POU6F2: variants seen among roughly 807,000 people sequenced by gnomAD.
The protein encoded by POU6F2 is POU class 6 homeobox 2, also known as POU domain, class 6, transcription factor 2.
POU6F2 carries 31 observed loss-of-function variants against 71.3 expected under a neutral mutation model. The observed-to-expected ratio is 0.43, with a 90% CI of 0.33 to 0.59. POU6F2 has a LOEUF of 0.59. POU6F2 is among the 20% of genes least tolerant of loss of function. The pLI is 0.04. For missense variants in POU6F2, 783 were observed against 856.8 expected (o/e 0.91, Z 1.07); for synonymous variants, 347 against 355.7 (o/e 0.98, Z 0.27).
intron 1 of POU6F2, among the ~76,000 whole-genome samples, chr7:39,013,866 A>G (rs1789399359): frequency 1.3e-5 from 2 of 152,196 alleles, no homozygotes; most frequent in East Asian, 3.8e-4. Flanking sequence ...GGTGTGCTGT[A>G]GAAACACTAT....
At chr7:39,186,254 C>T (rs1409861769) in intron 2 of POU6F2, among the ~76,000 whole-genome samples, 1 of 152,152 alleles carries the variant, frequency 6.6e-6, no homozygotes, top group African/African-American at 2.4e-5. Flanking sequence ...AATCCCCAAG[C>T]ATAGCTCTCC....
chr7:39,403,914 C>T (rs1338998530), intron 5 of POU6F2, among the ~76,000 whole-genome samples: 1 of 152,256 alleles, frequency 6.6e-6, no homozygotes, highest in East Asian at 1.9e-4. Flanking sequence ...GTGCACACCA[C>T]ACTCCGTGAC....
chr7:39,022,899 G>A (rs909074570), intron 1 of POU6F2, among the ~76,000 whole-genome samples: 5 of 151,998 alleles, frequency 3.3e-5, no homozygotes, highest in Admixed American at 6.6e-5. Flanking sequence ...GTAGGTATAC[G>A]TCTGACATTA....
At chr7:39,141,878 G>C (rs1792511252) in intron 2 of POU6F2, among the ~76,000 whole-genome samples, 1 of 152,098 alleles carries the variant, frequency 6.6e-6, no homozygotes, top group African/African-American at 2.4e-5. Flanking sequence ...ACGAGGTCAG[G>C]AGATCAAGAC....
At chr7:39,194,780 A>G (rs1415056466) in intron 2 of POU6F2, among the ~76,000 whole-genome samples, 1 of 152,182 alleles carries the variant, frequency 6.6e-6, no homozygotes, top group Non-Finnish European at 1.5e-5. Context: ...TGTAACACTC[A>G]CCGCGAAGGT....
intron 4 of POU6F2, among the ~76,000 whole-genome samples, chr7:39,288,784 G>A (rs536262281): frequency 4.6e-5 from 7 of 152,216 alleles, no homozygotes; most frequent in East Asian, 1.9e-4. Flanking sequence ...GTTGGCCACC[G>A]AAACTGATAG....
chr7:39,432,093 G>A (rs1788114500), intron 6 of POU6F2, among the ~76,000 whole-genome samples: 1 of 152,182 alleles, frequency 6.6e-6, no homozygotes, highest in Admixed American at 6.5e-5. Flanking sequence ...CTAACAATAT[G>A]GTCTCTATGT....
chr7:39,243,721 T>C (rs981040244), intron 4 of POU6F2, among the ~76,000 whole-genome samples: 1 of 151,780 alleles, frequency 6.6e-6, no homozygotes, highest in Non-Finnish European at 1.5e-5. Flanking sequence ...TTTAGAGGTT[T>C]TATATTGTAA....
intron 6 of POU6F2, among the ~76,000 whole-genome samples, chr7:39,418,959 A>ATATGTG (rs1207549225): frequency 0.25 from 33,813 of 133,916 alleles, 4,587 homozygotes; most frequent in East Asian, 0.48. Flanking sequence ...ATATATGTAT[A>ATATGTG]TATATGTGTA....
chr7:39,000,543 A>T (rs964623669), intron 1 of POU6F2, among the ~76,000 whole-genome samples: 1 of 122,514 alleles, frequency 8.2e-6, no homozygotes, highest in African/African-American at 2.7e-5. Context: ...ACACACACAC[A>T]CACACACACA....
intron 2 of POU6F2, among the ~76,000 whole-genome samples, chr7:39,195,427 C>T (rs1183784353): frequency 6.6e-6 from 1 of 152,190 alleles, no homozygotes; most frequent in Non-Finnish European, 1.5e-5. Context: ...GATTAGTACC[C>T]TCCTTGCTGC....
intron 1 of POU6F2, among the ~76,000 whole-genome samples, chr7:38,983,774 T>G (rs1480196169): frequency 6.6e-6 from 1 of 152,160 alleles, no homozygotes; most frequent in African/African-American, 2.4e-5. Flanking sequence ...GATCATATTA[T>G]TGTTATTTCA....
intron 4 of POU6F2, among the ~76,000 whole-genome samples, chr7:39,332,588 A>G (rs962331736): frequency 6.6e-6 from 1 of 152,214 alleles, no homozygotes; most frequent in Non-Finnish European, 1.5e-5. Flanking sequence ...GGTGGGAGAT[A>G]ACTTTCTCTC....
intron 2 of POU6F2, among the ~76,000 whole-genome samples, chr7:39,092,895 A>C (rs1438621165): frequency 1.3e-5 from 2 of 152,200 alleles, no homozygotes; most frequent in Non-Finnish European, 2.9e-5. Context: ...AGAGAAATGG[A>C]AATTAACTTT....
chr7:39,169,294 CTTTAA>C (rs1212062084), intron 2 of POU6F2, among the ~76,000 whole-genome samples: 1 of 152,168 alleles, frequency 6.6e-6, no homozygotes, highest in Non-Finnish European at 1.5e-5. Context: ...TTGAAACTCC[CTTTAA>C]TTTCTCTCCT....
At chr7:39,108,141 C>T (rs555684475) in intron 2 of POU6F2, among the ~76,000 whole-genome samples, 12 of 152,210 alleles carry the variant, frequency 7.9e-5, no homozygotes, top group Admixed American at 5.2e-4. Context: ...AAGATGAGGG[C>T]GACCATAGTA....
intron 1 of POU6F2, among the ~76,000 whole-genome samples, chr7:38,992,655 A>G (rs1788634844): frequency 6.6e-6 from 1 of 152,202 alleles, no homozygotes; most frequent in Non-Finnish European, 1.5e-5. Context: ...AACAGCTTAT[A>G]AAGTCAATAT....
At chr7:39,007,119 C>T (rs1281453547) in intron 1 of POU6F2, among the ~76,000 whole-genome samples, 1 of 152,186 alleles carries the variant, frequency 6.6e-6, no homozygotes, top group Non-Finnish European at 1.5e-5. Flanking sequence ...CCTACATTGA[C>T]TATATATCTC....
At chr7:39,266,370 A>G (rs1232271110) in intron 4 of POU6F2, among the ~76,000 whole-genome samples, 1 of 152,164 alleles carries the variant, frequency 6.6e-6, no homozygotes, top group East Asian at 1.9e-4. Context: ...TGATCAGCAA[A>G]GAGCTCCTGA....
Sources: gnomAD v4.1 joint callset for allele counts (sites outside exome capture counted in the v4.1 genomes callset) on GRCh38, gnomAD v4.1.1 for gene constraint, MANE v1.5 for transcripts, NCBI Gene and HGNC (gene_info 2026-07-23, HGNC 2026-07-21) for gene names.